The following SMYD3 variants were observed in gnomAD, a reference collection of about 807,000 sequenced individuals.
SMYD3 encodes SET and MYND domain containing 3.
SMYD3 carries 36 observed loss-of-function variants against 57.7 expected under a neutral mutation model. The observed-to-expected ratio is 0.62, with a 90% CI of 0.48 to 0.82. SMYD3 has a LOEUF of 0.82. Ranked by LOEUF, SMYD3 falls within the 40% of genes least tolerant of loss-of-function variation. The pLI, the probability that SMYD3 is intolerant of heterozygous loss-of-function variation, is 0.00. For missense variants in SMYD3, 515 were observed against 538.8 expected, an observed-to-expected ratio of 0.96 and a Z score of 0.44; for synonymous variants, 211 against 195.0, an observed-to-expected ratio of 1.08 and a Z score of -0.68.
intron 5 of SMYD3, among the ~76,000 whole-genome samples, chr1:246,163,178 C>CTATA (rs2062150805): frequency 6.6e-6 from 1 of 152,162 alleles, no homozygotes; most frequent in Non-Finnish European, 1.5e-5. Flanking sequence ...AAAACCACAA[C>CTATA]TATATATGAC....
intron 5 of SMYD3, among the ~76,000 whole-genome samples, chr1:245,970,185 A>G (rs533533371): frequency 6.6e-5 from 10 of 152,358 alleles, no homozygotes; most frequent in African/African-American, 2.4e-4. Context: ...GATCTTTGAC[A>G]AACCTGACAA....
In SMYD3 at chr1:246,378,634, C is replaced by A. The variant is rs2066319530; in HGVS notation, c.165-23540G>T. Among the ~76,000 whole-genome samples, 19 of 110,012 alleles carry A rather than the reference C, an allele frequency of 1.7e-4. 1 individual carries two copies. In the South Asian group the frequency reaches 5.0e-3, roughly 29 times the overall value. The allele number at this position is 110,012 out of a possible 152,430, so 72.2% of individuals were successfully genotyped here. On this transcript the variant is annotated intron_variant, in intron 1 of 11. Transcript: ENST00000490107. ...TGTGTGAGTTAATACTTAATAATCTCCCCTTCATATATATATATATACACA... is the reference window on the plus strand; with the variant it reads ...TGTGTGAGTTAATACTTAATAATCTACCCTTCATATATATATATATACACA...
intron 5 of SMYD3, chr1:245,947,348 C>T (rs575398425): frequency 2.6e-4 from 120 of 456,802 alleles, no homozygotes; most frequent in African/African-American, 2.0e-3. Flanking sequence ...AATTCATACA[C>T]GGCACAACCA....
chr1:246,306,677 A>C (rs2064984974), intron 5 of SMYD3, among the ~76,000 whole-genome samples: 1 of 152,146 alleles, frequency 6.6e-6, no homozygotes, highest in South Asian at 2.1e-4. Flanking sequence ...ATATTGTAAA[A>C]CTCTGCACTA....
intron 10 of SMYD3, among the ~76,000 whole-genome samples, chr1:245,854,725 C>A (rs899564642): frequency 3.9e-5 from 6 of 152,072 alleles, no homozygotes; most frequent in African/African-American, 1.4e-4. Context: ...GGAAATGAGT[C>A]TTTCCCCCAG....
intron 10 of SMYD3, among the ~76,000 whole-genome samples, chr1:245,797,652 T>C (rs2047594705): frequency 6.6e-6 from 1 of 151,806 alleles, no homozygotes; most frequent in African/African-American, 2.4e-5. Context: ...TGTGCACATG[T>C]ACCCTAGAAC....
intron 1 of SMYD3, among the ~76,000 whole-genome samples, chr1:246,420,334 G>A (rs1277927249): frequency 1.3e-5 from 2 of 152,172 alleles, no homozygotes; most frequent in Non-Finnish European, 2.9e-5. Context: ...TCATGCAAGA[G>A]ACTGCTCCTA....
At chr1:245,930,580 A>G (rs2056655115) in intron 5 of SMYD3, 1 of 159,082 alleles carries the variant, frequency 6.3e-6, no homozygotes, top group East Asian at 1.8e-4. Context: ...TGCTCAAGGA[A>G]CTTAAAAACC....
intron 5 of SMYD3, among the ~76,000 whole-genome samples, chr1:246,279,874 T>G (rs1484574470): frequency 1.3e-5 from 2 of 152,182 alleles, no homozygotes; most frequent in Non-Finnish European, 2.9e-5. Flanking sequence ...TATATAAAAA[T>G]CTTTAGTTGA....
chr1:245,790,799 G>A (rs1403711532), intron 10 of SMYD3, among the ~76,000 whole-genome samples: 1 of 152,180 alleles, frequency 6.6e-6, no homozygotes, highest in African/African-American at 2.4e-5. Context: ...TGTAGAGCCA[G>A]ATTTGAATCC....
chr1:245,830,959 C>A (rs188632698), intron 10 of SMYD3, among the ~76,000 whole-genome samples: 101 of 152,280 alleles, frequency 6.6e-4, no homozygotes, highest in Non-Finnish European at 6.9e-4. Context: ...GTCCTGCCCC[C>A]CTCCTCGCTA....
At chr1:246,198,814 A>T (rs1212421404) in intron 5 of SMYD3, among the ~76,000 whole-genome samples, 2 of 152,222 alleles carry the variant, frequency 1.3e-5, no homozygotes, top group East Asian at 3.8e-4. Context: ...TTTTTAATAT[A>T]AACGATTAAG....
At chr1:246,005,980 A>G (rs948130514) in intron 5 of SMYD3, among the ~76,000 whole-genome samples, 1 of 152,158 alleles carries the variant, frequency 6.6e-6, no homozygotes, top group African/African-American at 2.4e-5. Context: ...ATTGTTCCCA[A>G]GCTCTGTGAA....
chr1:245,984,062 C>T (rs1044171718), intron 5 of SMYD3, among the ~76,000 whole-genome samples: 4 of 148,364 alleles, frequency 2.7e-5, no homozygotes, highest in African/African-American at 5.0e-5. Context: ...TGCAATGGCG[C>T]GGTCTCGGCT....
At chr1:246,026,396 C>T (rs72770841) in intron 5 of SMYD3, among the ~76,000 whole-genome samples, 3,800 of 152,180 alleles carry the variant, frequency 0.025, 69 homozygotes, top group Non-Finnish European at 0.036. Flanking sequence ...CACCTCATTG[C>T]GTGTACTGAG....
chr1:245,876,271 A>G (rs116702196), intron 8 of SMYD3, among the ~76,000 whole-genome samples: 507 of 152,318 alleles, frequency 3.3e-3, no homozygotes, highest in African/African-American at 0.011. Context: ...TAAGGTGGGT[A>G]TATACTTAGA....
chr1:245,760,713 C>T (rs77053942), intron 11 of SMYD3, among the ~76,000 whole-genome samples: 5,150 of 152,214 alleles, frequency 0.034, 203 homozygotes, highest in Admixed American at 0.11. Context: ...TGAGGGATTC[C>T]CACTCACCTT....
chr1:246,073,019 G>A (rs940619821), intron 5 of SMYD3, among the ~76,000 whole-genome samples: 2 of 152,198 alleles, frequency 1.3e-5, no homozygotes, highest in Non-Finnish European at 2.9e-5. Context: ...GTGACCAGAG[G>A]TTTTTGATCC....
intron 5 of SMYD3, among the ~76,000 whole-genome samples, chr1:246,193,493 G>C (rs577975015): frequency 7.6e-4 from 116 of 152,262 alleles, no homozygotes; most frequent in Non-Finnish European, 1.4e-3. Context: ...CGACAAAAGA[G>C]GCAGCCCCAG....
Sources: allele counts gnomAD v4.1 joint callset (sites outside exome capture counted in the v4.1 genomes callset), GRCh38; gene constraint gnomAD v4.1.1; transcripts MANE v1.5; gene names NCBI Gene and HGNC (gene_info 2026-07-23, HGNC 2026-07-21).